PHF20: variants seen among roughly 807,000 people sequenced by gnomAD.
The protein encoded by PHF20 is PHD finger protein 20.
In PHF20, 23 loss-of-function variants were observed where a neutral mutation model predicts 113.5. The observed-to-expected ratio is 0.20, with a 90% CI of 0.15 to 0.29. The LOEUF (loss-of-function observed/expected upper bound fraction) is 0.29, where lower values mean the gene tolerates loss of function less well. Ranked by LOEUF, PHF20 falls within the 10% of genes least tolerant of loss-of-function variation. The pLI is 1.00. For synonymous variants in PHF20, 434 were observed against 457.3 expected, an observed-to-expected ratio of 0.95 and a Z score of 0.65; for missense variants, 943 against 1,219.6, an observed-to-expected ratio of 0.77 and a Z score of 3.38.
chr20:35,849,104 A>G (rs950568874), intron 4 of PHF20, among the ~76,000 whole-genome samples: 4 of 152,166 alleles, frequency 2.6e-5, no homozygotes, highest in African/African-American at 4.8e-5. Flanking sequence ...ATGCTGACAC[A>G]TTGACTGGTT....
At chr20:35,865,195 C>G (rs187971692) in intron 6 of PHF20, among the ~76,000 whole-genome samples, 1 of 151,864 alleles carries the variant, frequency 6.6e-6, no homozygotes, top group Non-Finnish European at 1.5e-5. Context: ...AAAATTGATT[C>G]CATGTTGAAA....
At chr20:35,836,037 T>A (rs193190730) in intron 2 of PHF20, among the ~76,000 whole-genome samples, 387 of 152,114 alleles carry the variant, frequency 2.5e-3, no homozygotes, top group Non-Finnish European at 4.6e-3. Context: ...TAGATGGGGG[T>A]CTCACTCTGT....
rs151059312 is a variant in PHF20 at position 35,837,649 on chromosome 20, A to T, written c.84-4924A>T. Among the ~76,000 whole-genome samples the T allele has an allele frequency of 1.1e-3, 166 of 152,364 alleles. 2 individuals carry two copies. In the East Asian group the frequency reaches 0.028, roughly 25 times the overall value. On this transcript the variant is annotated intron_variant, in intron 2 of 17. Transcript: ENST00000374012. Reference sequence around the variant, plus strand: ...CAGCAATTAAATGTGGTTCAACCTAATAGTTTTAAAGCCTAATCCATTTAT... The same window carrying T: ...CAGCAATTAAATGTGGTTCAACCTATTAGTTTTAAAGCCTAATCCATTTAT...
At chr20:35,926,528 C>T (rs556624967) in intron 13 of PHF20, among the ~76,000 whole-genome samples, 5 of 152,166 alleles carry the variant, frequency 3.3e-5, no homozygotes, top group African/African-American at 7.2e-5. Flanking sequence ...CGTGAGCCAC[C>T]GCGCCCGGCC....
intron 2 of PHF20, among the ~76,000 whole-genome samples, chr20:35,838,611 G>T (rs1260945031): frequency 6.6e-6 from 1 of 152,012 alleles, no homozygotes; most frequent in Admixed American, 6.6e-5. Flanking sequence ...CTTTTTGAAG[G>T]CTGTGTGATA....
At chr20:35,904,277 AT>A (rs34412788) in intron 10 of PHF20, among the ~76,000 whole-genome samples, 2,894 of 98,840 alleles carry the variant, frequency 0.029, 26 homozygotes, top group East Asian at 0.054. Context: ...GAATGCTCTG[AT>A]TTTTTTTTTT....
rs186337080 is a variant in PHF20 at position 35,869,253 on chromosome 20, G to A, written c.809-185G>A. On this transcript the variant is annotated intron_variant, in intron 6 of 17. Transcript: ENST00000374012. ...GGCAAGGTATCACCATCTCCTGTAAGGAAGTAATTTCTCACTCATTTTACT... is the reference window on the plus strand; with the variant it reads ...GGCAAGGTATCACCATCTCCTGTAAAGAAGTAATTTCTCACTCATTTTACT... 2.4e-3 allele frequency among the ~76,000 whole-genome samples: 358 copies of A among 152,204 alleles called. 1 individual carries two copies. Among genetic ancestry groups the A allele is most frequent in the Middle Eastern group, 0.017 (5 of 292 alleles).
At position 35,894,922 on chromosome 20, in the gene PHF20, C is replaced by G. The variant is rs1288674892; in HGVS notation, c.1283-4448C>G. On this transcript the variant is annotated intron_variant, in intron 9 of 17. Transcript: ENST00000374012. ...CCAGGCTAGAGTGCAATGGCACAATCTCGGCTCACTGCGATCTCGACCTCC... is the reference window on the plus strand; with the variant it reads ...CCAGGCTAGAGTGCAATGGCACAATGTCGGCTCACTGCGATCTCGACCTCC... 2.0e-5 allele frequency among the ~76,000 whole-genome samples: 3 copies of G among 152,316 alleles called. No individual in the cohort carries two copies. In the East Asian group the frequency reaches 5.8e-4, roughly 29 times the overall value.
At chr20:35,813,648 A>C (rs2042015304) in intron 2 of PHF20, among the ~76,000 whole-genome samples, 1 of 152,162 alleles carries the variant, frequency 6.6e-6, no homozygotes, top group Non-Finnish European at 1.5e-5. Context: ...TCAGAAGGTC[A>C]GGAGTTCCAG....
intron 10 of PHF20, among the ~76,000 whole-genome samples, chr20:35,902,608 C>T (rs1308434060): frequency 6.6e-6 from 1 of 152,224 alleles, no homozygotes; most frequent in Non-Finnish European, 1.5e-5. Context: ...GATCTACCAC[C>T]TGGCTTTGGG....
intron 9 of PHF20, among the ~76,000 whole-genome samples, chr20:35,877,250 A>G (rs948657471): frequency 7.4e-6 from 1 of 134,288 alleles, no homozygotes; most frequent in Non-Finnish European, 1.5e-5. Context: ...AGATCGTGCC[A>G]CTGCTCTCCA....
At chr20:35,864,056 C>T (rs144375060) in intron 6 of PHF20, among the ~76,000 whole-genome samples, 90 of 152,178 alleles carry the variant, frequency 5.9e-4, no homozygotes, top group African/African-American at 2.0e-3. Flanking sequence ...CTTCCTAAGC[C>T]AAACACTCGT....
chr20:35,899,673 G>T (rs762690438), intron 10 of PHF20, 25 bp downstream of exon 10: 1 of 1,608,396 alleles, frequency 6.2e-7, no homozygotes, highest in East Asian at 2.2e-5. Flanking sequence ...TCTTCATTGT[G>T]TCATGGATGG....
intron 9 of PHF20, among the ~76,000 whole-genome samples, chr20:35,880,853 G>A (rs1181896170): frequency 6.6e-6 from 1 of 151,990 alleles, no homozygotes; most frequent in East Asian, 1.9e-4. Flanking sequence ...CTAGCTACTC[G>A]AGAGGCTGAG....
chr20:35,889,304 G>A (rs935921084), intron 9 of PHF20, among the ~76,000 whole-genome samples: 4 of 151,768 alleles, frequency 2.6e-5, no homozygotes, highest in African/African-American at 4.8e-5. Context: ...GTGAGCCACC[G>A]TGCCTGGTGC....
intron 1 of PHF20, among the ~76,000 whole-genome samples, chr20:35,793,994 T>C (rs1600738625): frequency 3.8e-5 from 2 of 52,154 alleles, no homozygotes; most frequent in East Asian, 6.6e-4. Flanking sequence ...GGACTCTGTC[T>C]CAAAAAAAAA....
At chr20:35,813,381 C>A (rs926033033) in intron 2 of PHF20, among the ~76,000 whole-genome samples, 2 of 152,142 alleles carry the variant, frequency 1.3e-5, no homozygotes, top group Non-Finnish European at 2.9e-5. Flanking sequence ...CCAAATTTGT[C>A]CAGTGGGATG....
At chr20:35,909,706 C>T (rs931312743) in intron 10 of PHF20, among the ~76,000 whole-genome samples, 1 of 152,098 alleles carries the variant, frequency 6.6e-6, no homozygotes, top group African/African-American at 2.4e-5. Flanking sequence ...TTAAGGAGCT[C>T]AAATACCCTT....
chr20:35,893,433 A>G (rs1321199174), intron 9 of PHF20, among the ~76,000 whole-genome samples: 1 of 151,934 alleles, frequency 6.6e-6, no homozygotes, highest in African/African-American at 2.4e-5. Context: ...CCTCCCAGGT[A>G]GCTGGGATTA....
Sources: gnomAD v4.1 joint callset for allele counts (sites outside exome capture counted in the v4.1 genomes callset) on GRCh38, gnomAD v4.1.1 for gene constraint, MANE v1.5 for transcripts, NCBI Gene and HGNC (gene_info 2026-07-23, HGNC 2026-07-21) for gene names.